The following EEF1E1 variants were observed in gnomAD, a reference collection of about 807,000 sequenced individuals.
The protein encoded by EEF1E1 is eukaryotic translation elongation factor 1 epsilon-1.
In EEF1E1, 19 loss-of-function variants were observed where a neutral mutation model predicts 19.9. The ratio of observed to expected loss-of-function variants is 0.95; its 90% confidence interval spans 0.66 to 1.40. EEF1E1 has a LOEUF of 1.40. Ranked by LOEUF, EEF1E1 falls within the 40% of genes most tolerant of loss-of-function variation. The pLI, the probability that EEF1E1 is intolerant of heterozygous loss-of-function variation, is 0.00. For synonymous variants in EEF1E1, 81 were observed against 80.0 expected (o/e 1.01, Z -0.07); for missense variants, 198 against 202.2 (o/e 0.98, Z 0.13).
chr6:8,085,460 T>G (rs965290586), intron 3 of EEF1E1, among the ~76,000 whole-genome samples: 3 of 152,164 alleles, frequency 2.0e-5, no homozygotes, highest in African/African-American at 7.2e-5. Flanking sequence ...GCCTTAATAT[T>G]GCTAATCTCA....
rs750225309 is a variant in EEF1E1, at chr6:8,097,262, G to A, written c.288+5C>T. 7 of 1,613,422 alleles carry A rather than the reference G, an allele frequency of 4.3e-6. No homozygotes were observed. The highest frequency in any genetic ancestry group is 4.0e-5 in the African/African-American group (3 of 74,888). On this transcript the variant is annotated splice_donor_5th_base_variant and intron_variant, in intron 2 of 3. Transcript: ENST00000379715. ...CATTTCAGCCTATAAGAGAAGTCACGATACCTTCAACAGTGTGTGGATGTC... is the reference window on the plus strand; with the variant it reads ...CATTTCAGCCTATAAGAGAAGTCACAATACCTTCAACAGTGTGTGGATGTC...
intron 1 of EEF1E1, chr6:8,101,986 A>AGAGGAGG: frequency 8.0e-7 from 1 of 1,244,400 alleles, no homozygotes; most frequent in Non-Finnish European, 1.0e-6. Context: ...ATGTTCCCCT[A>AGAGGAGG]AATCATCATT....
Position 8,097,296 on chromosome 6 carries a change from T to C in EEF1E1, c.259A>G (p.Ser87Gly), listed in dbSNP as rs532555254. 1.2e-6 allele frequency: 2 copies of C among 1,614,224 alleles called. No individual in the cohort carries two copies. The highest frequency in any genetic ancestry group is 1.7e-6 in the Non-Finnish European group (2 of 1,180,036). Residue 87 changes from serine (S) to glycine (G), a missense_variant, in exon 2 of 4, where the codon AGT (serine) becomes GGT (glycine). Coordinates refer to ENST00000379715, the MANE Select transcript of EEF1E1 (RefSeq NM_004280.5). Reference sequence around the variant, plus strand: ...AACAGTGTGTGGATGTCATTTTTACTGGAGTGCCCATCTACTTGAGTGACC... The same window carrying C: ...AACAGTGTGTGGATGTCATTTTTACCGGAGTGCCCATCTACTTGAGTGACC... ...YRVTQVDGHS[S>G]KNDIHTLLKD...
intron 2 of EEF1E1, among the ~76,000 whole-genome samples, chr6:8,092,762 C>A (rs1758047943): frequency 6.6e-6 from 1 of 151,336 alleles, no homozygotes; most frequent in Admixed American, 6.6e-5. Context: ...AATACATCTT[C>A]ATTTAATTTC....
chr6:8,094,712 T>C (rs1336651882), intron 2 of EEF1E1, among the ~76,000 whole-genome samples: 2 of 152,184 alleles, frequency 1.3e-5, no homozygotes, highest in East Asian at 1.9e-4. Flanking sequence ...CAGGTTGGAA[T>C]TGCACAGGTC....
At chr6:8,076,907 A>G (rs1374336996), downstream of EEF1E1, among the ~76,000 whole-genome samples, 4 of 151,796 alleles carry the variant, frequency 2.6e-5, no homozygotes, top group African/African-American at 4.8e-5. Context: ...TAAAGCACAG[A>G]CAGAGTAGAT....
At chr6:8,101,817 C>G in intron 1 of EEF1E1, 3 of 1,289,292 alleles carry the variant, frequency 2.3e-6, no homozygotes, top group Non-Finnish European at 3.0e-6. Flanking sequence ...ACTGATAATC[C>G]AAGGCTTTAG....
chr6:8,082,563 G>A (rs1216148042), intron 3 of EEF1E1, among the ~76,000 whole-genome samples: 5 of 152,210 alleles, frequency 3.3e-5, no homozygotes, highest in African/African-American at 9.7e-5. Flanking sequence ...ACAGGCATGA[G>A]CCACTGCACC....
At chr6:8,086,781 C>G (rs940932207) in intron 3 of EEF1E1, among the ~76,000 whole-genome samples, 1 of 152,088 alleles carries the variant, frequency 6.6e-6, no homozygotes, top group Non-Finnish European at 1.5e-5. Context: ...TAGAGAAATA[C>G]GTTTAAAAAT....
At chr6:8,102,088 GAAA>G (rs560208901) in intron 1 of EEF1E1, 10 of 1,014,378 alleles carry the variant, frequency 9.9e-6, no homozygotes, top group Non-Finnish European at 1.1e-5. Context: ...GCGATTACGG[GAAA>G]AAAAAAAAAG....
downstream of EEF1E1, among the ~76,000 whole-genome samples, chr6:8,076,617 C>G (rs1757597936): frequency 6.6e-6 from 1 of 152,180 alleles, no homozygotes; most frequent in African/African-American, 2.4e-5. Flanking sequence ...GCCACCACGC[C>G]CGGCCTACAA....
chr6:8,089,970 C>T (rs1757970717), intron 3 of EEF1E1: 3 of 399,366 alleles, frequency 7.5e-6, no homozygotes, highest in South Asian at 2.8e-4. Flanking sequence ...AAATTCAAGA[C>T]AAAGTTTTTT....
chr6:8,088,384 A>C (rs1268972931), intron 3 of EEF1E1, among the ~76,000 whole-genome samples: 1 of 152,144 alleles, frequency 6.6e-6, no homozygotes, highest in Non-Finnish European at 1.5e-5. Context: ...TCTCATTTTG[A>C]AATGTAACTT....
At chr6:8,082,693 CAG>C (rs938845744) in intron 3 of EEF1E1, among the ~76,000 whole-genome samples, 4 of 152,342 alleles carry the variant, frequency 2.6e-5, no homozygotes, top group African/African-American at 9.6e-5. Flanking sequence ...CAGAAACTCA[CAG>C]AGTTTTTCAA....
At chr6:8,087,914 T>TGGGTGTTG (rs1757907046) in intron 3 of EEF1E1, among the ~76,000 whole-genome samples, 1 of 151,864 alleles carries the variant, frequency 6.6e-6, no homozygotes, top group Non-Finnish European at 1.5e-5. Context: ...AGGGGGAAGA[T>TGGGTGTTG]GGGTGTTGGG....
chr6:8,088,368 C>A (rs1757923829), intron 3 of EEF1E1, among the ~76,000 whole-genome samples: 1 of 152,160 alleles, frequency 6.6e-6, no homozygotes, highest in African/African-American at 2.4e-5. Flanking sequence ...TGTGTACCCA[C>A]CCACATCTCA....
At chr6:8,098,413 C>T (rs1378130600) in intron 1 of EEF1E1, among the ~76,000 whole-genome samples, 2 of 152,132 alleles carry the variant, frequency 1.3e-5, no homozygotes, top group Admixed American at 6.5e-5. Context: ...CCACCGCGCC[C>T]GGCCGAAATA....
downstream of EEF1E1, among the ~76,000 whole-genome samples, chr6:8,078,904 G>A (rs182848878): frequency 1.8e-3 from 272 of 152,122 alleles, 3 homozygotes; most frequent in African/African-American, 6.3e-3. Context: ...CTAGAACTTT[G>A]AAGGGTCCAC....
chr6:8,074,609 G>T (rs910481350), downstream of EEF1E1, among the ~76,000 whole-genome samples: 2 of 152,196 alleles, frequency 1.3e-5, no homozygotes, highest in Non-Finnish European at 2.9e-5. Flanking sequence ...TACTGAAGAG[G>T]TTACCAAGTG....
Sources: allele counts gnomAD v4.1 joint callset (sites outside exome capture counted in the v4.1 genomes callset), GRCh38; gene constraint gnomAD v4.1.1; transcripts MANE v1.5; gene names NCBI Gene and HGNC (gene_info 2026-07-23, HGNC 2026-07-21).